SHTN1: variants seen among roughly 807,000 people sequenced by gnomAD.
SHTN1 encodes the protein shootin-1.
In SHTN1, 42 loss-of-function variants were observed where a neutral mutation model predicts 83.1. That is an observed-to-expected ratio of 0.51 (90% CI 0.39 to 0.65). The LOEUF (loss-of-function observed/expected upper bound fraction) is 0.65, where lower values mean the gene tolerates loss of function less well. Among genes scored for constraint, SHTN1 ranks in the 30% least tolerant of loss-of-function variants. The pLI is 0.00. For synonymous variants in SHTN1, 224 were observed against 247.7 expected, an observed-to-expected ratio of 0.90 and a Z score of 0.90; for missense variants, 622 against 737.8, an observed-to-expected ratio of 0.84 and a Z score of 1.82.
chr10:116,965,143 A>G (rs1444595664), intron 3 of SHTN1, among the ~76,000 whole-genome samples: 1 of 152,240 alleles, frequency 6.6e-6, no homozygotes, highest in Non-Finnish European at 1.5e-5. Context: ...AAAAACATTT[A>G]TCCTGGGAAA....
At chr10:116,991,716 C>T (rs1851442534) in intron 1 of SHTN1, among the ~76,000 whole-genome samples, 1 of 152,176 alleles carries the variant, frequency 6.6e-6, no homozygotes, top group South Asian at 2.1e-4. Context: ...TCACCTCCAA[C>T]ATTAGGGAAT....
At chr10:117,049,545 C>CTCTATATT (rs1852712593) in intron 1 of SHTN1, among the ~76,000 whole-genome samples, 2 of 152,178 alleles carry the variant, frequency 1.3e-5, no homozygotes, top group Non-Finnish European at 2.9e-5. Flanking sequence ...GTTTAAACAT[C>CTCTATATT]TCTATATTCC....
At chr10:116,894,332 T>G (rs1331617772) in intron 16 of SHTN1, among the ~76,000 whole-genome samples, 1 of 152,212 alleles carries the variant, frequency 6.6e-6, no homozygotes, top group African/African-American at 2.4e-5. Flanking sequence ...TGAAGTCTTA[T>G]AATTGCCACA....
chr10:117,071,675 A>G (rs1388814540), intron 1 of SHTN1, among the ~76,000 whole-genome samples: 1 of 152,202 alleles, frequency 6.6e-6, no homozygotes, highest in African/African-American at 2.4e-5. Flanking sequence ...CACATAATTT[A>G]GTCAGCCACT....
intron 2 of SHTN1, among the ~76,000 whole-genome samples, chr10:117,010,884 T>C (rs774979790): frequency 6.6e-6 from 1 of 152,176 alleles, no homozygotes; most frequent in Non-Finnish European, 1.5e-5. Flanking sequence ...CGTTTCACCA[T>C]AAAAACTCTT....
At position 117,061,544 on chromosome 10, in the gene SHTN1, A is replaced by G. The variant is rs561566257; in HGVS notation, c.-188-13034T>C. Reference sequence around the variant, plus strand: ...GAGTGCAATGGCATGATCTCGGCTCACTGCAACCTCCACCTCCTGGGTTCA... The same window carrying G: ...GAGTGCAATGGCATGATCTCGGCTCGCTGCAACCTCCACCTCCTGGGTTCA... On this transcript the variant is annotated intron_variant, in intron 1 of 17. Transcript: ENST00000392901. Among the ~76,000 whole-genome samples, 270 of 148,908 alleles carry G rather than the reference A, an allele frequency of 1.8e-3. 2 individuals carry two copies. Among genetic ancestry groups the G allele is most frequent in the African/African-American group, 6.5e-3 (260 of 40,224 alleles).
At position 116,951,926 on chromosome 10, in the gene SHTN1, C is replaced by A. The variant is rs551678925; in HGVS notation, c.517G>T (p.Val173Leu). Residue 173 changes from valine to leucine, a missense_variant, in exon 6 of 17, where the codon GTA becomes TTA. Physicochemically the swap from Val to Leu is conservative, Grantham distance 32. Around this residue, in one of 3 missense-constraint regions of SHTN1, gnomAD observed 383 missense variants for 455.8 expected, o/e 0.84. Transcript: ENST00000355371. ...ATACATACTTCTTCAATTACTTCTACGAGTTTGCTCTTGAGATTTTCCAGC... is the reference window on the plus strand; with the variant it reads ...ATACATACTTCTTCAATTACTTCTAAGAGTTTGCTCTTGAGATTTTCCAGC... ...IELENLKSKL[V>L]EVIEEVNKVK... 8.2e-6 allele frequency: 13 copies of A among 1,587,642 alleles called. No individual in the cohort carries two copies. Among genetic ancestry groups the A allele is most frequent in the African/African-American group, 6.7e-5 (5 of 74,462 alleles).
At chr10:117,012,195 A>G (rs1018460959) in intron 2 of SHTN1, among the ~76,000 whole-genome samples, 5 of 151,954 alleles carry the variant, frequency 3.3e-5, no homozygotes, top group African/African-American at 7.2e-5. Flanking sequence ...TAAAATGTCA[A>G]TTCTTCCAAA....
intron 15 of SHTN1, among the ~76,000 whole-genome samples, chr10:116,905,099 G>T (rs1461591730): frequency 6.6e-6 from 1 of 151,630 alleles, no homozygotes; most frequent in Non-Finnish European, 1.5e-5. Context: ...TACTGGGGAG[G>T]CTGAGGCAGG....
chr10:117,017,490 C>CAA (rs34947397), intron 2 of SHTN1, among the ~76,000 whole-genome samples: 3,558 of 125,740 alleles, frequency 0.028, 161 homozygotes, highest in African/African-American at 0.092. Context: ...GACTCCGTCT[C>CAA]AAAAAAAAAA....
chr10:117,088,638 A>G (rs1482521719), intron 1 of SHTN1, among the ~76,000 whole-genome samples: 2 of 152,194 alleles, frequency 1.3e-5, no homozygotes, highest in Admixed American at 1.3e-4. Flanking sequence ...CACCCATTAA[A>G]AAGTCAAAAT....
At chr10:117,004,140 G>A (rs1465044804) in intron 1 of SHTN1, among the ~76,000 whole-genome samples, 1 of 152,080 alleles carries the variant, frequency 6.6e-6, no homozygotes, top group East Asian at 1.9e-4. Context: ...ACCTGCCTCG[G>A]CCTCCCAAAT....
chr10:116,949,627 C>A (rs1362956535), intron 6 of SHTN1, among the ~76,000 whole-genome samples: 1 of 152,102 alleles, frequency 6.6e-6, no homozygotes, highest in African/African-American at 2.4e-5. Flanking sequence ...AACAAACCTG[C>A]ACATTGTGCA....
At chr10:117,005,200 G>A, upstream of SHTN1, 1 of 1,523,956 alleles carries the variant, frequency 6.6e-7, no homozygotes, top group Non-Finnish European at 8.8e-7. Flanking sequence ...AGTTGGATCC[G>A]CTCCCGCTCC....
chr10:117,106,955 T>C (rs749234815), intron 1 of SHTN1, among the ~76,000 whole-genome samples: 4 of 152,072 alleles, frequency 2.6e-5, no homozygotes, highest in Non-Finnish European at 5.9e-5. Flanking sequence ...TTTTGAAAAA[T>C]AGCTAAGTGG....
At chr10:117,006,328 A>G (rs1356932609), upstream of SHTN1, among the ~76,000 whole-genome samples, 1 of 150,130 alleles carries the variant, frequency 6.7e-6, no homozygotes, top group Non-Finnish European at 1.5e-5. Context: ...GCACTTTGGG[A>G]GGCCAAGGCG....
intron 1 of SHTN1, among the ~76,000 whole-genome samples, chr10:117,104,452 C>T (rs1456237625): frequency 6.6e-6 from 1 of 152,158 alleles, no homozygotes; most frequent in African/African-American, 2.4e-5. Flanking sequence ...CATAGCTTTG[C>T]TAATAATTGC....
chr10:116,915,499 C>A lies in SHTN1; in HGVS notation c.1196-15G>T, dbSNP rs775625804. 7.0e-7 allele frequency: 1 copy of A among 1,424,492 alleles called. No homozygotes were observed. Among genetic ancestry groups the A allele is most frequent in the Non-Finnish European group, 9.9e-7 (1 of 1,009,268 alleles). 88.2% of individuals were successfully genotyped at this position (1,424,492 alleles called of 1,614,324 possible). A position where few individuals can be genotyped will look rare whatever the true frequency, so the allele number is the denominator to read the frequency against. ...GACTTCTTCAGCTGTTCAAAGAACA[C>A]AGACATAAATCCTCTTATGTTACAA... On this transcript the variant is annotated splice_polypyrimidine_tract_variant and intron_variant, in intron 12 of 16. Coordinates refer to ENST00000355371, the MANE Select transcript of SHTN1 (RefSeq NM_001127211.3).
At chr10:116,951,694 G>C (rs1020461549) in intron 6 of SHTN1, among the ~76,000 whole-genome samples, 2 of 152,194 alleles carry the variant, frequency 1.3e-5, no homozygotes. Flanking sequence ...TGCTATTTCA[G>C]AATTTTATTT....
Sources: gnomAD v4.1 joint callset for allele counts (sites outside exome capture counted in the v4.1 genomes callset) on GRCh38, gnomAD v4.1.1 for gene constraint, gnomAD v4.1.1 regional missense constraint, MANE v1.5 for transcripts, NCBI Gene and HGNC (gene_info 2026-07-23, HGNC 2026-07-21) for gene names.